The following SLC25A13 variants were observed in gnomAD, a reference collection of about 807,000 sequenced individuals.
SLC25A13 encodes electrogenic aspartate/glutamate antiporter SLC25A13, mitochondrial.
SLC25A13 carries 70 observed loss-of-function variants against 85.5 expected under a neutral mutation model. That is an observed-to-expected ratio of 0.82 (90% CI 0.68 to 1.00). The LOEUF is 1.00. SLC25A13 is among the 50% of genes least tolerant of loss of function. The pLI, the probability that SLC25A13 is intolerant of heterozygous loss-of-function variation, is 0.00. For synonymous variants in SLC25A13, 259 were observed against 288.7 expected (o/e 0.90, Z 1.04); for missense variants, 765 against 819.8 (o/e 0.93, Z 0.82).
At chr7:96,176,149 G>A (rs181703345) in intron 11 of SLC25A13, among the ~76,000 whole-genome samples, 1 of 152,318 alleles carries the variant, frequency 6.6e-6, no homozygotes, top group African/African-American at 2.4e-5. Flanking sequence ...GGGAGGAGAG[G>A]TAGCACAGCC....
chr7:96,189,789 G>T, intron 7 of SLC25A13, 115 bp from the exon 8 acceptor site: 1 of 896,176 alleles, frequency 1.1e-6, no homozygotes, highest in Non-Finnish European at 1.9e-6. Flanking sequence ...ATTATCATCA[G>T]TTGTAGAATT....
At chr7:96,140,551 C>T (rs12704835) in intron 14 of SLC25A13, among the ~76,000 whole-genome samples, 19,119 of 151,524 alleles carry the variant, frequency 0.13, 1,379 homozygotes, top group East Asian at 0.25. Context: ...ACTATAGGCA[C>T]GTCCACCATA....
chr7:96,130,960 C>T (rs994478189), intron 15 of SLC25A13, among the ~76,000 whole-genome samples: 3 of 152,196 alleles, frequency 2.0e-5, no homozygotes, highest in Non-Finnish European at 4.4e-5. Flanking sequence ...TGTTCTTATG[C>T]TATCTTTGAG....
chr7:96,205,188 G>T (rs1388912920), intron 5 of SLC25A13, among the ~76,000 whole-genome samples: 1 of 152,124 alleles, frequency 6.6e-6, no homozygotes, highest in Non-Finnish European at 1.5e-5. Context: ...GATTACAGGC[G>T]TGAGCCACCA....
At chr7:96,321,573 C>T (rs1800343654) in intron 1 of SLC25A13, among the ~76,000 whole-genome samples, 1 of 152,178 alleles carries the variant, frequency 6.6e-6, no homozygotes, top group South Asian at 2.1e-4. Context: ...GGAGCAGGAG[C>T]GCGCTGGGAA....
At chr7:96,171,342 G>C in intron 12 of SLC25A13, 130 bp downstream of exon 12, 1 of 789,382 alleles carries the variant, frequency 1.3e-6, no homozygotes, top group South Asian at 1.5e-5. Flanking sequence ...TGTGTGTGGT[G>C]AGTTCCCCTG....
chr7:96,284,443 C>T (rs1223039819), intron 2 of SLC25A13, among the ~76,000 whole-genome samples: 2 of 152,156 alleles, frequency 1.3e-5, no homozygotes, highest in African/African-American at 4.8e-5. Context: ...GCTGACAAAA[C>T]AATTATAAAA....
intron 3 of SLC25A13, among the ~76,000 whole-genome samples, chr7:96,266,680 T>C (rs921929070): frequency 6.6e-6 from 1 of 152,176 alleles, no homozygotes; most frequent in Non-Finnish European, 1.5e-5. Context: ...TACAAACCTT[T>C]TTAAAAATTC....
chr7:96,202,818 C>T (rs937796887), intron 5 of SLC25A13, among the ~76,000 whole-genome samples: 2 of 152,116 alleles, frequency 1.3e-5, no homozygotes, highest in Non-Finnish European at 2.9e-5. Flanking sequence ...TTCTTGTACT[C>T]CCTATTTCAA....
chr7:96,311,980 A>T (rs944655439), intron 1 of SLC25A13, among the ~76,000 whole-genome samples: 14 of 152,292 alleles, frequency 9.2e-5, no homozygotes, highest in Admixed American at 2.6e-4. Context: ...AAATCGAATG[A>T]GTCTGGGGTA....
chr7:96,218,952 T>C (rs1302254247), intron 4 of SLC25A13, among the ~76,000 whole-genome samples: 1 of 152,210 alleles, frequency 6.6e-6, no homozygotes, highest in African/African-American at 2.4e-5. Context: ...CATCATCTTT[T>C]AAGCAGGGAG....
Position 96,191,222 on chromosome 7 carries a change from TGATGG to T in SLC25A13, c.636_640del (p.His213SerfsTer2). The T allele has an allele frequency of 6.2e-7, 1 of 1,613,938 alleles. No individual in the cohort carries two copies. On this transcript the variant is annotated frameshift_variant, in exon 7 of 18. Coordinates refer to ENST00000265631, the MANE Select transcript of SLC25A13 (RefSeq NM_014251.3). LOFTEE classifies it high-confidence loss of function. ...TCCATTAAAATAGGAGAAACTAACT[TGATGG>T]GATGTGGTACCTCCAGCAGCCTCAA...
At chr7:96,270,523 C>A (rs947292315) in intron 3 of SLC25A13, among the ~76,000 whole-genome samples, 7 of 151,540 alleles carry the variant, frequency 4.6e-5, no homozygotes, top group Non-Finnish European at 8.8e-5. Flanking sequence ...CCACTGCACC[C>A]CAGCCTGGGC....
rs913590243 is a variant in SLC25A13, at chr7:96,132,282, A to G, written c.1453-401T>C. ...AGTCAAGATGCCTCTTTGTTTACAC[A>G]CTAGGAAGTAGACAAATTATACAGG... On this transcript the variant is annotated intron_variant, in intron 14 of 17. Transcript: ENST00000265631. Among the ~76,000 whole-genome samples the G allele has an allele frequency of 5.9e-5, 9 of 152,272 alleles. No homozygotes were observed. In the South Asian group the frequency reaches 6.2e-4, roughly 11 times the overall value.
chr7:96,127,347 CA>C (rs567833240), intron 15 of SLC25A13, among the ~76,000 whole-genome samples: 150 of 152,254 alleles, frequency 9.9e-4, no homozygotes, highest in Admixed American at 3.1e-3. Context: ...AACATGAATT[CA>C]AATATTGGTT....
At chr7:96,209,347 A>AACACACACACAC (rs760463709) in intron 4 of SLC25A13, among the ~76,000 whole-genome samples, 55 of 26,330 alleles carry the variant, frequency 2.1e-3, no homozygotes, top group Non-Finnish European at 1.8e-3. Context: ...GTGGCAGGAA[A>AACACACACACAC]ACACATACAC....
chr7:96,142,332 C>G (rs1306468140), intron 14 of SLC25A13, among the ~76,000 whole-genome samples: 1 of 152,118 alleles, frequency 6.6e-6, no homozygotes, highest in Non-Finnish European at 1.5e-5. Flanking sequence ...AGGTTCAGCT[C>G]CAACTTACAA....
intron 4 of SLC25A13, among the ~76,000 whole-genome samples, chr7:96,220,437 C>A (rs1382221309): frequency 2.0e-5 from 3 of 152,144 alleles, no homozygotes; most frequent in Non-Finnish European, 4.4e-5. Flanking sequence ...CTGTAATTTT[C>A]TCTGAGAATT....
intron 2 of SLC25A13, chr7:96,283,270 A>G (rs79463722): frequency 5.1e-6 from 1 of 195,352 alleles, no homozygotes; most frequent in Admixed American, 5.7e-5. Flanking sequence ...AGAAACAGCC[A>G]TATGTAGGAA....
Sources: gnomAD v4.1 joint callset for allele counts (sites outside exome capture counted in the v4.1 genomes callset) on GRCh38, gnomAD v4.1.1 for gene constraint, MANE v1.5 for transcripts, NCBI Gene and HGNC (gene_info 2026-07-23, HGNC 2026-07-21) for gene names.